TOX2: variants seen among roughly 807,000 people sequenced by gnomAD.
TOX2 encodes granulosa cell HMG box 1.
A neutral mutation model predicts 47.4 loss-of-function variants in TOX2; 15 were observed. That is an observed-to-expected ratio of 0.32 (90% CI 0.21 to 0.49). The LOEUF (loss-of-function observed/expected upper bound fraction) is 0.49. Ranked by LOEUF, TOX2 falls within the 20% of genes least tolerant of loss-of-function variation. The pLI is 0.99. For synonymous variants in TOX2, 290 were observed against 296.6 expected, an observed-to-expected ratio of 0.98 and a Z score of 0.23; for missense variants, 622 against 673.1, an observed-to-expected ratio of 0.92 and a Z score of 0.84.
intron 1 of TOX2, among the ~76,000 whole-genome samples, chr20:43,969,227 G>A (rs1407635297): frequency 1.3e-5 from 2 of 152,232 alleles, no homozygotes; most frequent in African/African-American, 2.4e-5. Context: ...GAACGCTGCC[G>A]TGTTGAACGC....
chr20:43,941,576 A>G (rs1600665883), intron 1 of TOX2, among the ~76,000 whole-genome samples: 1 of 152,006 alleles, frequency 6.6e-6, no homozygotes, highest in East Asian at 1.9e-4. Context: ...CATGTGATCC[A>G]CCCACTTCGG....
At chr20:44,063,386 C>T (rs1291609240) in intron 5 of TOX2, among the ~76,000 whole-genome samples, 1 of 152,112 alleles carries the variant, frequency 6.6e-6, no homozygotes, top group Non-Finnish European at 1.5e-5. Context: ...AAATACTTAA[C>T]ATCATTATGA....
chr20:44,030,297 CT>C (rs1321460764), intron 3 of TOX2, among the ~76,000 whole-genome samples: 1 of 152,226 alleles, frequency 6.6e-6, no homozygotes, highest in Non-Finnish European at 1.5e-5. Flanking sequence ...CCATCTCTTG[CT>C]TTCCATCTAT....
chr20:44,034,708 C>A (rs1474675550), intron 3 of TOX2, among the ~76,000 whole-genome samples: 1 of 152,208 alleles, frequency 6.6e-6, no homozygotes, highest in Non-Finnish European at 1.5e-5. Flanking sequence ...AGACTTGTGA[C>A]CTCTGCTTCT....
Position 44,066,205 on chromosome 20 carries a change from T to C in TOX2, c.1356+98T>C, listed in dbSNP as rs2071819188. 5 of 1,337,740 alleles carry C rather than the reference T, an allele frequency of 3.7e-6. No individual in the cohort carries two copies. In the South Asian group the frequency reaches 4.6e-5, roughly 12 times the overall value. 82.9% of individuals were successfully genotyped at this position (1,337,740 alleles called of 1,614,324 possible). ...CTGGCCCTGCCACTCACCAGTGATATAACCTCAGCCTTGGCACCTGACCTC... is the reference window on the plus strand; with the variant it reads ...CTGGCCCTGCCACTCACCAGTGATACAACCTCAGCCTTGGCACCTGACCTC... On this transcript the variant is annotated intron_variant, in intron 7 of 8. Coordinates refer to ENST00000341197, the MANE Select transcript of TOX2 (RefSeq NM_001098797.2).
chr20:44,039,115 T>G lies in TOX2; in HGVS notation c.412-12191T>G, dbSNP rs551108905. The G allele has an allele frequency of 2.0e-5, 25 of 1,265,408 alleles. No homozygotes were observed. The African/African-American group carries it at 3.1e-4, about 15-fold the overall frequency. 78.4% of individuals were successfully genotyped at this position (1,265,408 alleles called of 1,614,324 possible). On this transcript the variant is annotated intron_variant, in intron 3 of 8. Transcript: ENST00000341197. ...TGCTGGGAGGCAGGTGTCTCTGCAC[T>G]TGAGCAGATGCCGGGAGGCAACGTG... is the stretch of plus-strand genomic sequence containing the variant.
chr20:43,968,681 A>T (rs2145456519), intron 1 of TOX2, among the ~76,000 whole-genome samples: 1 of 152,368 alleles, frequency 6.6e-6, no homozygotes, highest in African/African-American at 2.4e-5. Context: ...GGAAGAGAAG[A>T]TGAAGGCCTG....
At chr20:44,038,571 T>A (rs6031312) in intron 3 of TOX2, among the ~76,000 whole-genome samples, 2 of 151,374 alleles carry the variant, frequency 1.3e-5, no homozygotes, top group Admixed American at 6.6e-5. Flanking sequence ...AAGAAAAAAA[T>A]TTAATTGTGG....
intron 3 of TOX2, among the ~76,000 whole-genome samples, chr20:44,020,580 C>G (rs867367932): frequency 6.6e-6 from 1 of 152,228 alleles, no homozygotes; most frequent in Admixed American, 6.5e-5. Context: ...TCCAGCAAGA[C>G]AGACTACTGC....
At chr20:44,009,081 G>C (rs903344983) in intron 3 of TOX2, among the ~76,000 whole-genome samples, 3 of 152,222 alleles carry the variant, frequency 2.0e-5, no homozygotes, top group African/African-American at 7.2e-5. Context: ...AGAATCTCAT[G>C]GTTTGGGGTG....
intron 1 of TOX2, among the ~76,000 whole-genome samples, chr20:43,952,967 A>G (rs1316481726): frequency 6.6e-6 from 1 of 152,110 alleles, no homozygotes; most frequent in Non-Finnish European, 1.5e-5. Flanking sequence ...GGTGGGCCCT[A>G]TAGGATCACA....
chr20:43,920,687 A>T (rs1475819342), intron 1 of TOX2, among the ~76,000 whole-genome samples: 3 of 152,098 alleles, frequency 2.0e-5, no homozygotes, highest in Non-Finnish European at 4.4e-5. Flanking sequence ...CTGCTGGGTG[A>T]CCTTGAGCCT....
intron 1 of TOX2, among the ~76,000 whole-genome samples, chr20:43,970,985 T>A (rs1394496838): frequency 1.3e-5 from 2 of 152,194 alleles, no homozygotes; most frequent in African/African-American, 2.4e-5. Context: ...GTGCCCAAAC[T>A]CTAGGCATGG....
intron 2 of TOX2, among the ~76,000 whole-genome samples, chr20:43,990,376 G>A (rs1364868721): frequency 2.0e-5 from 3 of 152,170 alleles, no homozygotes; most frequent in Admixed American, 6.5e-5. Flanking sequence ...GATGAGCTCT[G>A]GGTGGCAGCC....
At chr20:43,945,590 C>T in intron 1 of TOX2, 1 of 313,846 alleles carries the variant, frequency 3.2e-6, no homozygotes, top group Non-Finnish European at 6.2e-6. Flanking sequence ...CAACACCCCT[C>T]CCAAGGCAGC....
intron 1 of TOX2, among the ~76,000 whole-genome samples, chr20:43,969,836 C>T (rs1393648200): frequency 5.9e-5 from 9 of 152,206 alleles, no homozygotes; most frequent in South Asian, 4.1e-4. Context: ...TACTACAGCA[C>T]GTGGCAGCTC....
chr20:44,055,486 A>T (rs577296531), intron 5 of TOX2, among the ~76,000 whole-genome samples: 6 of 152,316 alleles, frequency 3.9e-5, no homozygotes, highest in Non-Finnish European at 7.4e-5. Context: ...GGAGACCAGG[A>T]TGGCCAGAGA....
chr20:44,039,756 C>T (rs371910419), intron 3 of TOX2, among the ~76,000 whole-genome samples: 23 of 151,606 alleles, frequency 1.5e-4, no homozygotes, highest in African/African-American at 5.1e-4. Context: ...AAGTCAGAAT[C>T]GTCCCACTGA....
intron 3 of TOX2, among the ~76,000 whole-genome samples, chr20:44,022,707 C>T (rs370668169): frequency 2.6e-5 from 4 of 152,214 alleles, no homozygotes; most frequent in South Asian, 4.1e-4. Context: ...TTCTGTCTGT[C>T]ACACTGTGAG....
Sources: gnomAD v4.1 joint callset for allele counts (sites outside exome capture counted in the v4.1 genomes callset) on GRCh38, gnomAD v4.1.1 for gene constraint, MANE v1.5 for transcripts, NCBI Gene and HGNC (gene_info 2026-07-23, HGNC 2026-07-21) for gene names.